The following CACNA2D3 variants were observed in gnomAD, a reference collection of about 807,000 sequenced individuals.
The protein encoded by CACNA2D3 is voltage-dependent calcium channel subunit alpha-2/delta-3.
A neutral mutation model predicts 160.6 loss-of-function variants in CACNA2D3; 60 were observed. The observed-to-expected ratio is 0.37, with a 90% confidence interval of 0.30 to 0.46. The LOEUF (loss-of-function observed/expected upper bound fraction) is 0.46. Ranked by LOEUF, CACNA2D3 falls within the 20% of genes least tolerant of loss-of-function variation. The pLI is 1.00. For synonymous variants in CACNA2D3, 558 were observed against 492.9 expected (o/e 1.13, Z -1.75); for missense variants, 1,205 against 1,365.0 (o/e 0.88, Z 1.85).
At chr3:54,992,381 C>T (rs979387348) in intron 31 of CACNA2D3, among the ~76,000 whole-genome samples, 2 of 152,080 alleles carry the variant, frequency 1.3e-5, no homozygotes, top group Non-Finnish European at 1.5e-5. Flanking sequence ...ACATACATGC[C>T]TACAGCCCAC....
intron 4 of CACNA2D3, among the ~76,000 whole-genome samples, chr3:54,480,195 A>G (rs1296337782): frequency 6.6e-6 from 1 of 152,096 alleles, no homozygotes; most frequent in Non-Finnish European, 1.5e-5. Context: ...AAAAAGAAGG[A>G]AAGAAAACTT....
chr3:54,811,103 CA>C (rs1475964590), intron 13 of CACNA2D3, among the ~76,000 whole-genome samples: 1 of 152,152 alleles, frequency 6.6e-6, no homozygotes, highest in Non-Finnish European at 1.5e-5. Flanking sequence ...AGACAGTAAC[CA>C]AGCTCAGGCC....
intron 4 of CACNA2D3, among the ~76,000 whole-genome samples, chr3:54,492,091 C>G (rs1385977114): frequency 6.6e-6 from 1 of 152,092 alleles, no homozygotes; most frequent in Non-Finnish European, 1.5e-5. Context: ...GTGATTAGGC[C>G]AGAGCTGCTG....
intron 4 of CACNA2D3, among the ~76,000 whole-genome samples, chr3:54,437,589 G>A (rs886485394): frequency 3.9e-5 from 6 of 152,146 alleles, no homozygotes; most frequent in Non-Finnish European, 5.9e-5. Flanking sequence ...AAGGGGTGCC[G>A]ATATTGCCAG....
intron 35 of CACNA2D3, among the ~76,000 whole-genome samples, chr3:55,052,003 C>G (rs1367305615): frequency 6.6e-6 from 1 of 152,196 alleles, no homozygotes; most frequent in Non-Finnish European, 1.5e-5. Flanking sequence ...CGCCCACTGT[C>G]TGGCACTCCC....
chr3:54,544,104 T>C (rs1382971784), intron 5 of CACNA2D3, among the ~76,000 whole-genome samples: 1 of 152,214 alleles, frequency 6.6e-6, no homozygotes, highest in Non-Finnish European at 1.5e-5. Context: ...CCCTCTGGTA[T>C]GAATTTTTAC....
intron 2 of CACNA2D3, among the ~76,000 whole-genome samples, chr3:54,258,941 T>C (rs1054415951): frequency 6.6e-6 from 1 of 152,218 alleles, no homozygotes; most frequent in African/African-American, 2.4e-5. Context: ...TGTTAACTCA[T>C]GTCTCTGCCA....
intron 2 of CACNA2D3, among the ~76,000 whole-genome samples, chr3:54,291,893 G>GT (rs1174558423): frequency 2.0e-5 from 3 of 152,146 alleles, no homozygotes; most frequent in Admixed American, 2.0e-4. Context: ...ATTTTGAAAT[G>GT]TAACACTTAC....
chr3:54,554,728 AG>A (rs1702213507), intron 5 of CACNA2D3, among the ~76,000 whole-genome samples: 1 of 152,130 alleles, frequency 6.6e-6, no homozygotes, highest in Non-Finnish European at 1.5e-5. Context: ...TCTCATACCT[AG>A]GACTCAAGCT....
chr3:55,065,555 T>G (rs1233563601), intron 35 of CACNA2D3, among the ~76,000 whole-genome samples: 1 of 152,092 alleles, frequency 6.6e-6, no homozygotes, highest in Admixed American at 6.5e-5. Flanking sequence ...TGGTCCCAGC[T>G]CCTTGGGAGA....
intron 2 of CACNA2D3, among the ~76,000 whole-genome samples, chr3:54,312,590 T>C (rs1703766241): frequency 1.3e-5 from 2 of 152,148 alleles, no homozygotes; most frequent in African/African-American, 4.8e-5. Flanking sequence ...GACAGTGAAG[T>C]AGTACTTTTC....
chr3:54,446,443 C>G (rs570154737), intron 4 of CACNA2D3, among the ~76,000 whole-genome samples: 18 of 152,172 alleles, frequency 1.2e-4, no homozygotes, highest in Non-Finnish European at 2.5e-4. Context: ...AGTAAGGTGT[C>G]TGGGCCCACA....
chr3:54,731,788 C>A (rs1345584412), intron 11 of CACNA2D3, among the ~76,000 whole-genome samples: 2 of 152,104 alleles, frequency 1.3e-5, no homozygotes, highest in African/African-American at 4.8e-5. Flanking sequence ...TTAAATGAGG[C>A]ATGACTGTTC....
chr3:54,305,537 A>C (rs1046860300), intron 2 of CACNA2D3, among the ~76,000 whole-genome samples: 2 of 152,254 alleles, frequency 1.3e-5, no homozygotes, highest in Non-Finnish European at 2.9e-5. Flanking sequence ...CTTAAATCAC[A>C]TGATGAATGT....
Position 54,969,613 on chromosome 3 carries a change from G to T in CACNA2D3, c.2512-187G>T, listed in dbSNP as rs541065965. Among the ~76,000 whole-genome samples, 4 of 152,264 alleles carry T rather than the reference G, an allele frequency of 2.6e-5. No homozygotes were observed. In the South Asian group the frequency reaches 8.3e-4, roughly 32 times the overall value. On this transcript the variant is annotated intron_variant, in intron 28 of 37. Coordinates refer to ENST00000474759, the MANE Select transcript of CACNA2D3 (RefSeq NM_018398.3). ...TTATTTTACATTACTACTTGGAATT[G>T]ATACTGATTCCAGAGATAGTAGACA...
chr3:54,436,994 A>G (rs369922748), intron 4 of CACNA2D3, among the ~76,000 whole-genome samples: 1 of 152,222 alleles, frequency 6.6e-6, no homozygotes, highest in East Asian at 1.9e-4. Flanking sequence ...CTTCATTAGA[A>G]GTGGTAGAAC....
At chr3:55,071,536 T>C (rs1704807586) in intron 35 of CACNA2D3, among the ~76,000 whole-genome samples, 1 of 152,204 alleles carries the variant, frequency 6.6e-6, no homozygotes, top group Non-Finnish European at 1.5e-5. Flanking sequence ...GACTCTCTTT[T>C]TTCCTCAGAA....
Position 54,581,652 on chromosome 3 carries a change from A to C in CACNA2D3, c.889-151A>C, listed in dbSNP as rs1041748272. 3 of 667,798 alleles carry C rather than the reference A, an allele frequency of 4.5e-6. No homozygotes were observed. The African/African-American group carries it at 5.5e-5, about 12-fold the overall frequency. 41.4% of individuals were successfully genotyped at this position (667,798 alleles called of 1,614,324 possible). On this transcript the variant is annotated intron_variant, in intron 8 of 37. Transcript: ENST00000474759. ...GCAGCACATAATCATAGTTGTCTAGAGGGACACCCATGAGAGAGTTCACCT... is the reference window on the plus strand; with the variant it reads ...GCAGCACATAATCATAGTTGTCTAGCGGGACACCCATGAGAGAGTTCACCT...
chr3:54,482,750 C>T (rs758774258), intron 4 of CACNA2D3, among the ~76,000 whole-genome samples: 2 of 152,112 alleles, frequency 1.3e-5, no homozygotes, highest in Non-Finnish European at 2.9e-5. Context: ...TCCTTTCCAA[C>T]GAGTGACTCA....
Sources: allele counts gnomAD v4.1 joint callset (sites outside exome capture counted in the v4.1 genomes callset), GRCh38; gene constraint gnomAD v4.1.1; transcripts MANE v1.5; gene names NCBI Gene and HGNC (gene_info 2026-07-23, HGNC 2026-07-21).